Variants in ABCB10 observed in about 807,000 individuals in gnomAD.
The protein encoded by ABCB10 is ATP binding cassette subfamily B member 10.
Under a neutral mutation model 65.4 loss-of-function variants are expected in ABCB10, and 54 were observed. The observed-to-expected ratio is 0.83, with a 90% CI of 0.66 to 1.04. The LOEUF is 1.04. Among genes scored for constraint, ABCB10 ranks in the 50% least tolerant of loss-of-function variants. ABCB10 has a pLI of 0.00. For missense variants in ABCB10, 846 were observed against 976.6 expected (o/e 0.87, Z 1.78); for synonymous variants, 418 against 406.5 (o/e 1.03, Z -0.34).
intron 8 of ABCB10, among the ~76,000 whole-genome samples, chr1:229,528,799 A>AAGTG (rs528853963): frequency 3.7e-4 from 56 of 152,026 alleles, no homozygotes; most frequent in Non-Finnish European, 6.8e-4. Context: ...AAGTGTTGCA[A>AAGTG]TTACAGGTGT....
rs1421822899 is a variant in ABCB10 at position 229,558,593 on chromosome 1, T to C, written c.60A>G (p.Pro20=). ...RLLEPPSPAE[P]GRLLPVACVW... is the part of the protein sequence containing the mutation. ...CGCAGGCTACCGGCAGGAGCCGACC[T>C]GGCTCGGCAGGGCTCGGTGGCTCGA... is the stretch of plus-strand genomic sequence containing the variant. Residue 20 remains proline (P), a synonymous_variant, in exon 1 of 13, where the codon CCA becomes CCG. Transcript: ENST00000344517. 2 of 1,440,808 alleles carry C rather than the reference T, an allele frequency of 1.4e-6. No individual in the cohort carries two copies. The highest frequency in any genetic ancestry group is 1.3e-5 in the South Asian group (1 of 76,066). The allele number at this position is 1,440,808 out of a possible 1,614,324, so 89.3% of individuals were successfully genotyped here.
rs1281766567 is a variant in ABCB10, at chr1:229,549,419, A to T, written c.533T>A (p.Leu178His). The T allele has an allele frequency of 6.2e-7, 1 of 1,613,888 alleles. No homozygotes were observed. Among genetic ancestry groups the T allele is most frequent in the Non-Finnish European group, 8.5e-7 (1 of 1,179,924 alleles). Reference protein sequence around the residue: ...RRRLAAAVGFLTMSSVISMSA... With the variant: ...RRRLAAAVGFHTMSSVISMSA... ...CATGGAGATAACACTGGACATCGTGAGAAATCCAACCGCAGCTAGAAAACA... is the reference window on the plus strand; with the variant it reads ...CATGGAGATAACACTGGACATCGTGTGAAATCCAACCGCAGCTAGAAAACA... Residue 178 changes from leucine to histidine, a missense_variant, in exon 2 of 13, where the codon CTC becomes CAC. Transcript: ENST00000344517.
In ABCB10 at chr1:229,546,015, C is replaced by T. The variant is rs368425160; in HGVS notation, c.921+1484G>A. Among the ~76,000 whole-genome samples the T allele has an allele frequency of 3.4e-4, 51 of 151,958 alleles. No individual in the cohort carries two copies. The East Asian group carries it at 7.7e-3, about 23-fold the overall frequency. The stretch of plus-strand genomic sequence containing the variant: ...TGAAACCCCATCTCTACTAAAAATA[C>T]AAAAAAATTAGCGAGGCGTGGTGGC... On this transcript the variant is annotated intron_variant, in intron 3 of 12. Transcript: ENST00000344517.
rs1202855375 is a variant in ABCB10 at position 229,516,784 on chromosome 1, G to C, written c.*1395C>G. On this transcript the variant is annotated 3_prime_UTR_variant, in exon 13 of 13. Coordinates refer to ENST00000344517, the MANE Select transcript of ABCB10 (RefSeq NM_012089.3). ...TCACACTTTATAAAGAACACAAGTA[G>C]AGCTTGTTAAAAATGATTGTCACAG... The C allele has an allele frequency of 1.3e-5, 2 of 152,138 alleles. No homozygotes were observed. Among genetic ancestry groups the C allele is most frequent in the Admixed American group, 1.3e-4 (2 of 15,268 alleles). 9.4% of individuals were successfully genotyped at this position (152,138 alleles called of 1,614,324 possible). A position where few individuals can be genotyped will look rare whatever the true frequency, so the allele number is the denominator to read the frequency against.
chr1:229,539,866 T>C (rs931399350), intron 5 of ABCB10, among the ~76,000 whole-genome samples: 1 of 152,176 alleles, frequency 6.6e-6, no homozygotes, highest in Non-Finnish European at 1.5e-5. Context: ...AAAAGTAATA[T>C]TAAAGGTTCC....
chr1:229,553,459 G>A (rs1281351556), intron 1 of ABCB10, among the ~76,000 whole-genome samples: 1 of 152,146 alleles, frequency 6.6e-6, no homozygotes, highest in African/African-American at 2.4e-5. Context: ...GAAAGGAGCA[G>A]CGGACAGAGC....
chr1:229,536,150 C>T (rs1196086369), intron 6 of ABCB10, among the ~76,000 whole-genome samples: 2 of 151,764 alleles, frequency 1.3e-5, no homozygotes, highest in African/African-American at 4.8e-5. Context: ...CGTAAAACTA[C>T]TTTGAAAATG....
At chr1:229,519,071 C>A in intron 11 of ABCB10, 196 bp from the exon 12 acceptor site, 1 of 449,178 alleles carries the variant, frequency 2.2e-6, no homozygotes, top group Non-Finnish European at 3.9e-6. Flanking sequence ...CCACAACAGG[C>A]ACTTCTACAG....
intron 6 of ABCB10, among the ~76,000 whole-genome samples, chr1:229,538,991 T>A (rs1662782286): frequency 6.6e-6 from 1 of 152,198 alleles, no homozygotes. Context: ...CACTTGATAA[T>A]TTATAAATAT....
intron 6 of ABCB10, chr1:229,535,038 T>TAAAAAAAAAAAAAAAAAA (rs71173739): frequency 2.1e-5 from 1 of 47,476 alleles, no homozygotes; most frequent in African/African-American, 7.6e-5. Flanking sequence ...AGACTCCCTT[T>TAAAAAAAAAAAAAAAAAA]AAAAAAAAAA....
chr1:229,530,261 G>C lies in ABCB10; in HGVS notation c.1583C>G (p.Pro528Arg), dbSNP rs534026214. The C allele has an allele frequency of 1.9e-6, 3 of 1,614,046 alleles. No individual in the cohort carries two copies. In the Admixed American group the frequency reaches 5.0e-5, roughly 27 times the overall value. Residue 528 changes from proline (P) to arginine (R), a missense_variant, in exon 8 of 13, where the codon CCA becomes CGA. Transcript: ENST00000344517. ...PSGSVTALVGPSGSGKSTVLS... is the reference protein window; with the variant it reads ...PSGSVTALVGRSGSGKSTVLS... ...CACTGTTGATTTGCCAGAACCACTT[G>C]GGCCAACCAGTGCCGTGACAGATCC...
intron 1 of ABCB10, among the ~76,000 whole-genome samples, chr1:229,552,188 T>C (rs1255170002): frequency 6.6e-6 from 1 of 152,248 alleles, no homozygotes; most frequent in East Asian, 1.9e-4. Flanking sequence ...CCAATTTGAA[T>C]GTAAGAAAAG....
chr1:229,530,952 A>G (rs1424849322), intron 7 of ABCB10, among the ~76,000 whole-genome samples: 4 of 152,190 alleles, frequency 2.6e-5, no homozygotes. Flanking sequence ...GGGAGACACT[A>G]CTGAAACTCT....
chr1:229,535,539 T>C (rs553702095), intron 6 of ABCB10, among the ~76,000 whole-genome samples: 14 of 152,170 alleles, frequency 9.2e-5, no homozygotes, highest in Admixed American at 7.9e-4. Flanking sequence ...ATGGAAACAG[T>C]AGGTTGCAGA....
At position 229,558,608 on chromosome 1, in the gene ABCB10, C is replaced by T; in HGVS notation, c.45G>A (p.Pro15=). The change falls in exon 1 of 13, where the codon CCG becomes CCA. Residue 15 remains proline, a synonymous_variant. Transcript: ENST00000344517. Reference sequence around the variant, plus strand: ...GGAGCCGACCTGGCTCGGCAGGGCTCGGTGGCTCGAGCAGCCGCAGCGGCC... The same window carrying T: ...GGAGCCGACCTGGCTCGGCAGGGCTTGGTGGCTCGAGCAGCCGCAGCGGCC... The part of the protein sequence containing the change: ...PAWPLRLLEP[P]SPAEPGRLLP... 1.4e-6 allele frequency: 2 copies of T among 1,428,548 alleles called. No homozygotes were observed. The highest frequency in any genetic ancestry group is 1.8e-6 in the Non-Finnish European group (2 of 1,092,634). 88.5% of individuals were successfully genotyped at this position (1,428,548 alleles called of 1,614,324 possible). A position where few individuals can be genotyped will look rare whatever the true frequency, so the allele number is the denominator to read the frequency against.
At chr1:229,535,385 A>G (rs1185204361) in intron 6 of ABCB10, among the ~76,000 whole-genome samples, 1 of 152,218 alleles carries the variant, frequency 6.6e-6, no homozygotes, top group Non-Finnish European at 1.5e-5. Context: ...ACAATGGAAT[A>G]TTATTCAGTG....
intron 3 of ABCB10, among the ~76,000 whole-genome samples, chr1:229,543,093 T>C (rs1256312908): frequency 7.1e-6 from 1 of 140,752 alleles, no homozygotes; most frequent in Non-Finnish European, 1.5e-5. Flanking sequence ...ATTGAGCCAC[T>C]GCACTCCGCC....
intron 1 of ABCB10, chr1:229,549,888 G>C (rs1358884293): frequency 9.4e-5 from 17 of 179,924 alleles, no homozygotes; most frequent in Admixed American, 8.7e-4. Flanking sequence ...ATTACATCTA[G>C]TATCTCAAAA....
chr1:229,540,362 G>A (rs866158822), intron 5 of ABCB10, among the ~76,000 whole-genome samples: 6 of 152,214 alleles, frequency 3.9e-5, no homozygotes, highest in Admixed American at 6.5e-5. Flanking sequence ...AGCTGATGCC[G>A]CTGGCCTGCA....
Sources: allele counts gnomAD v4.1 joint callset (sites outside exome capture counted in the v4.1 genomes callset), GRCh38; gene constraint gnomAD v4.1.1; transcripts MANE v1.5; gene names NCBI Gene and HGNC (gene_info 2026-07-23, HGNC 2026-07-21).